DNAJC1: variants seen among roughly 807,000 people sequenced by gnomAD.
The protein encoded by DNAJC1 is dnaJ homolog subfamily C member 1.
DNAJC1 carries 58 observed loss-of-function variants against 76.6 expected under a neutral mutation model. The observed-to-expected ratio is 0.76, with a 90% confidence interval of 0.61 to 0.94. The LOEUF is 0.94. Ranked by LOEUF, DNAJC1 falls within the 40% of genes least tolerant of loss-of-function variation. The pLI is 0.00. For synonymous variants in DNAJC1, 258 were observed against 267.9 expected, an observed-to-expected ratio of 0.96 and a Z score of 0.36; for missense variants, 689 against 677.3, an observed-to-expected ratio of 1.02 and a Z score of -0.19.
chr10:21,859,438 C>G (rs565945571), intron 8 of DNAJC1, among the ~76,000 whole-genome samples: 102 of 152,256 alleles, frequency 6.7e-4, no homozygotes, highest in Admixed American at 5.0e-3. Flanking sequence ...GTATCTGACA[C>G]TCAAAAGATG....
At chr10:21,777,948 G>A (rs1432288401) in intron 9 of DNAJC1, among the ~76,000 whole-genome samples, 1 of 152,206 alleles carries the variant, frequency 6.6e-6, no homozygotes, top group Non-Finnish European at 1.5e-5. Context: ...AATAGTTTGG[G>A]AGTCCAAGGC....
At chr10:21,773,815 T>G (rs1345510055) in intron 9 of DNAJC1, among the ~76,000 whole-genome samples, 1 of 151,990 alleles carries the variant, frequency 6.6e-6, no homozygotes, top group African/African-American at 2.4e-5. Context: ...TTTTTTTTTT[T>G]TTTTGCTATA....
chr10:21,779,970 G>A (rs891986218), intron 9 of DNAJC1, among the ~76,000 whole-genome samples: 1 of 152,108 alleles, frequency 6.6e-6, no homozygotes, highest in African/African-American at 2.4e-5. Flanking sequence ...GTAGCCGATT[G>A]GATCAACCAG....
chr10:21,996,136 T>C (rs1170649645), intron 1 of DNAJC1, among the ~76,000 whole-genome samples: 1 of 152,246 alleles, frequency 6.6e-6, no homozygotes, highest in Non-Finnish European at 1.5e-5. Flanking sequence ...GAAATCTCTC[T>C]TTCCACTGCA....
At chr10:21,922,840 C>T (rs78722501) in intron 3 of DNAJC1, among the ~76,000 whole-genome samples, 2,391 of 151,948 alleles carry the variant, frequency 0.016, 34 homozygotes, top group Non-Finnish European at 0.024. Flanking sequence ...GCAAACCTCT[C>T]CCATGAAATA....
chr10:21,824,886 G>C (rs1835221590), intron 8 of DNAJC1, among the ~76,000 whole-genome samples: 1 of 152,072 alleles, frequency 6.6e-6, no homozygotes, highest in Non-Finnish European at 1.5e-5. Flanking sequence ...TGATTCTCCT[G>C]CCTCAGGCAT....
rs1301210261 is a variant in DNAJC1, at chr10:21,940,008, C to T, written c.223-10867G>A. Among the ~76,000 whole-genome samples, 3 of 148,764 alleles carry T rather than the reference C, an allele frequency of 2.0e-5. No homozygotes were observed. The East Asian group carries it at 6.0e-4, about 30-fold the overall frequency. On this transcript the variant is annotated intron_variant, in intron 1 of 11. Transcript: ENST00000376980. The stretch of plus-strand genomic sequence containing the variant: ...AAACGTGTGTGTATACAAGTGCATT[C>T]ACCACTAGAAGGACTAAATAATAGA...
chr10:21,993,187 T>C (rs1838355319), intron 1 of DNAJC1, among the ~76,000 whole-genome samples: 1 of 152,140 alleles, frequency 6.6e-6, no homozygotes, highest in Non-Finnish European at 1.5e-5. Context: ...CACTCATAAA[T>C]TTATAAATAT....
At chr10:21,910,989 G>C (rs1836849485) in intron 6 of DNAJC1, among the ~76,000 whole-genome samples, 1 of 149,132 alleles carries the variant, frequency 6.7e-6, no homozygotes, top group South Asian at 2.2e-4. Context: ...GAGAGAAAGA[G>C]GGAGAGAGGG....
intron 8 of DNAJC1, among the ~76,000 whole-genome samples, chr10:21,842,739 C>T (rs2131680648): frequency 6.6e-6 from 1 of 152,250 alleles, no homozygotes; most frequent in South Asian, 2.1e-4. Flanking sequence ...TGAGAAAATT[C>T]CACCTCTGCC....
At chr10:21,931,396 G>A (rs1837220798) in intron 1 of DNAJC1, among the ~76,000 whole-genome samples, 1 of 152,172 alleles carries the variant, frequency 6.6e-6, no homozygotes, top group Non-Finnish European at 1.5e-5. Context: ...TCTACCTCAA[G>A]TAGATACGGT....
At chr10:21,772,433 T>C (rs1834397444) in intron 9 of DNAJC1, among the ~76,000 whole-genome samples, 1 of 152,078 alleles carries the variant, frequency 6.6e-6, no homozygotes. Context: ...AAATGGTCTG[T>C]TTCTGATTTA....
chr10:21,803,002 C>A (rs542239265), intron 9 of DNAJC1, among the ~76,000 whole-genome samples: 2 of 152,018 alleles, frequency 1.3e-5, no homozygotes, highest in African/African-American at 4.8e-5. Flanking sequence ...TTAAAATATA[C>A]TCGGTGTCAA....
intron 10 of DNAJC1, among the ~76,000 whole-genome samples, chr10:21,760,521 G>A (rs536274584): frequency 6.6e-6 from 1 of 152,346 alleles, no homozygotes; most frequent in South Asian, 2.1e-4. Flanking sequence ...AATACCCAGT[G>A]CTGGCAAAAT....
intron 3 of DNAJC1, 29 bp from the exon 4 acceptor site, chr10:21,920,992 G>A (rs369182844): frequency 7.1e-5 from 106 of 1,490,792 alleles, no homozygotes; most frequent in African/African-American, 4.0e-4. Flanking sequence ...AGTTTTTCAC[G>A]GGGAGTTTAA....
intron 6 of DNAJC1, 83 bp downstream of exon 6, chr10:21,918,696 C>G (rs759236251): frequency 8.7e-5 from 88 of 1,016,862 alleles, no homozygotes; most frequent in Non-Finnish European, 1.1e-4. Context: ...TATCAGCATT[C>G]AGAGAGCCGA....
chr10:21,873,890 G>C (rs191933328), intron 8 of DNAJC1, among the ~76,000 whole-genome samples: 134 of 152,184 alleles, frequency 8.8e-4, no homozygotes, highest in African/African-American at 3.1e-3. Context: ...GTGGAACAGG[G>C]GCAAAGTTTT....
At chr10:21,769,261 C>T (rs1489575739) in intron 9 of DNAJC1, among the ~76,000 whole-genome samples, 4 of 152,148 alleles carry the variant, frequency 2.6e-5, no homozygotes, top group South Asian at 2.1e-4. Flanking sequence ...AAACTGACCA[C>T]GCAACAATGG....
At chr10:21,794,582 T>TA (rs1834732144) in intron 9 of DNAJC1, among the ~76,000 whole-genome samples, 2 of 152,118 alleles carry the variant, frequency 1.3e-5, no homozygotes, top group South Asian at 4.1e-4. Flanking sequence ...AAATGGATCT[T>TA]AGACTTAAAT....
Sources: allele counts gnomAD v4.1 joint callset (sites outside exome capture counted in the v4.1 genomes callset), GRCh38; gene constraint gnomAD v4.1.1; transcripts MANE v1.5; gene names NCBI Gene and HGNC (gene_info 2026-07-23, HGNC 2026-07-21).